Variants in TLK2 observed in about 807,000 individuals in gnomAD.
TLK2 encodes the protein tousled like kinase 2.
TLK2 carries 6 observed loss-of-function variants against 117.3 expected under a neutral mutation model. The ratio of observed to expected loss-of-function variants is 0.05; its 90% CI spans 0.03 to 0.10. TLK2 has a LOEUF of 0.10. TLK2 is among the 10% of genes least tolerant of loss of function. The probability of loss-of-function intolerance (pLI) is 1.00; values close to 1 mark genes in which losing one functional copy is unlikely to be tolerated. For missense variants in TLK2, 299 were observed against 901.2 expected (o/e 0.33, Z 8.56); for synonymous variants, 257 against 316.7 (o/e 0.81, Z 2.00).
rs369851402 is a variant in TLK2 at position 62,485,914 on chromosome 17, A to G, written c.81+4708A>G. ...CTACTCACTGCAAGCTCCGCCTCCC[A>G]GGTTCACGCCATTCTCCTGCCTCAG... On this transcript the variant is annotated intron_variant, in intron 2 of 21. Coordinates refer to ENST00000346027, the MANE Select transcript of TLK2 (RefSeq NM_006852.6). 4.3e-5 allele frequency among the ~76,000 whole-genome samples: 6 copies of G among 140,224 alleles called. No homozygotes were observed. The South Asian group carries it at 9.2e-4, about 21-fold the overall frequency. The allele number at this position is 140,224 out of a possible 152,430, so 92.0% of individuals were successfully genotyped here. A position where few individuals can be genotyped will look rare whatever the true frequency, so the allele number is the denominator to read the frequency against.
intron 19 of TLK2, among the ~76,000 whole-genome samples, chr17:62,603,995 T>C (rs2083069748): frequency 6.7e-6 from 1 of 149,428 alleles, no homozygotes; most frequent in Non-Finnish European, 1.5e-5. Flanking sequence ...TATTTATTTA[T>C]TTATTTATTT....
intron 15 of TLK2, among the ~76,000 whole-genome samples, chr17:62,581,795 C>T (rs1255595820): frequency 6.6e-6 from 1 of 152,058 alleles, no homozygotes; most frequent in African/African-American, 2.4e-5. Context: ...GGCCCATAGT[C>T]ACCTTTTGTA....
At chr17:62,559,279 T>C (rs2146324755) in intron 9 of TLK2, among the ~76,000 whole-genome samples, 1 of 132,390 alleles carries the variant, frequency 7.6e-6, no homozygotes, top group South Asian at 2.8e-4. Context: ...TAAATGCGAC[T>C]AGAAAAAGAA....
At chr17:62,580,850 C>A (rs1210501873) in intron 15 of TLK2, among the ~76,000 whole-genome samples, 1 of 152,214 alleles carries the variant, frequency 6.6e-6, no homozygotes, top group African/African-American at 2.4e-5. Flanking sequence ...TGTTGCATAG[C>A]TGTCCCTTTC....
chr17:62,555,203 G>A (rs897642850), intron 9 of TLK2, among the ~76,000 whole-genome samples: 7 of 152,128 alleles, frequency 4.6e-5, no homozygotes, highest in Non-Finnish European at 8.8e-5. Context: ...ACACTGCAAG[G>A]TGGGGATCGG....
chr17:62,562,819 A>G (rs1230471156), intron 10 of TLK2, among the ~76,000 whole-genome samples: 1 of 152,190 alleles, frequency 6.6e-6, no homozygotes, highest in African/African-American at 2.4e-5. Context: ...TTTACCCAAG[A>G]CAAACAAAAG....
At chr17:62,522,647 C>T (rs1193803136) in intron 4 of TLK2, among the ~76,000 whole-genome samples, 2 of 152,168 alleles carry the variant, frequency 1.3e-5, no homozygotes, top group East Asian at 3.8e-4. Flanking sequence ...CATTACTGTC[C>T]TTTCTGCCTA....
intron 7 of TLK2, among the ~76,000 whole-genome samples, chr17:62,539,319 A>G (rs1405060734): frequency 2.6e-5 from 4 of 152,062 alleles, no homozygotes; most frequent in Admixed American, 6.6e-5. Flanking sequence ...ATTAGCAACT[A>G]TTGATCACTT....
chr17:62,494,941 G>A (rs56171146), intron 2 of TLK2, among the ~76,000 whole-genome samples: 8,678 of 152,206 alleles, frequency 0.057, 357 homozygotes, highest in Non-Finnish European at 0.091. Flanking sequence ...CGAGGCAGGT[G>A]AATCACTGGA....
intron 10 of TLK2, 122 bp from the exon 11 acceptor site, chr17:62,564,879 C>G (rs760049993): frequency 6.6e-5 from 84 of 1,268,704 alleles, no homozygotes; most frequent in Non-Finnish European, 8.0e-5. Context: ...ACTGACTGTT[C>G]TGAGAAGTGT....
intron 2 of TLK2, among the ~76,000 whole-genome samples, chr17:62,484,828 A>G (rs912548046): frequency 1.3e-5 from 2 of 151,976 alleles, no homozygotes; most frequent in African/African-American, 4.8e-5. Context: ...AGGCTAAAGC[A>G]GGCAGATCAC....
At chr17:62,514,634 A>G (rs1298053006) in intron 2 of TLK2, among the ~76,000 whole-genome samples, 1 of 148,108 alleles carries the variant, frequency 6.8e-6, no homozygotes, top group Admixed American at 6.9e-5. Flanking sequence ...GCTGGAGTGC[A>G]GTGGCGCGAT....
chr17:62,612,126 G>A (rs2083836436), intron 21 of TLK2: 1 of 320,876 alleles, frequency 3.1e-6, no homozygotes. Flanking sequence ...GTATTTAGAG[G>A]TCATGCTTCC....
At position 62,524,341 on chromosome 17, in the gene TLK2, C is replaced by G. The variant is rs2076238133; in HGVS notation, c.363+10C>G. 1.2e-6 allele frequency: 2 copies of G among 1,601,854 alleles called. No homozygotes were observed. The highest frequency in any genetic ancestry group is 1.7e-6 in the Non-Finnish European group (2 of 1,172,842). On this transcript the variant is annotated intron_variant, in intron 6 of 21. Transcript: ENST00000346027. ...ATCCAATCCCTTACCGGTAAGCATTCACCTGGAGAAATTTGACACCTGTTG... is the reference window on the plus strand; with the variant it reads ...ATCCAATCCCTTACCGGTAAGCATTGACCTGGAGAAATTTGACACCTGTTG...
chr17:62,598,194 G>A (rs958288182), intron 17 of TLK2, among the ~76,000 whole-genome samples: 5 of 152,152 alleles, frequency 3.3e-5, no homozygotes, highest in Non-Finnish European at 7.3e-5. Context: ...AACAAGGGGC[G>A]GGGCATGACA....
intron 16 of TLK2, among the ~76,000 whole-genome samples, chr17:62,595,026 G>T (rs2082365222): frequency 6.6e-6 from 1 of 152,116 alleles, no homozygotes; most frequent in African/African-American, 2.4e-5. Flanking sequence ...CCATGGCGCA[G>T]TCTCGCCTCA....
At chr17:62,589,303 C>T (rs2081897357) in intron 16 of TLK2, among the ~76,000 whole-genome samples, 1 of 152,028 alleles carries the variant, frequency 6.6e-6, no homozygotes, top group African/African-American at 2.4e-5. Flanking sequence ...TAATTTGTAT[C>T]GGAGTTAGTA....
At chr17:62,481,877 A>G (rs2071694371) in intron 2 of TLK2, among the ~76,000 whole-genome samples, 1 of 152,122 alleles carries the variant, frequency 6.6e-6, no homozygotes, top group Non-Finnish European at 1.5e-5. Context: ...TATTTACGAT[A>G]TTTTATTTAA....
At chr17:62,573,660 A>G (rs889158919) in intron 12 of TLK2, among the ~76,000 whole-genome samples, 1 of 152,192 alleles carries the variant, frequency 6.6e-6, no homozygotes, top group Non-Finnish European at 1.5e-5. Context: ...TACTGAAATG[A>G]TATTATTGCT....
Sources: gnomAD v4.1 joint callset for allele counts (sites outside exome capture counted in the v4.1 genomes callset) on GRCh38, gnomAD v4.1.1 for gene constraint, MANE v1.5 for transcripts, NCBI Gene and HGNC (gene_info 2026-07-23, HGNC 2026-07-21) for gene names.